The following STARD13 variants were observed in gnomAD, a reference collection of about 807,000 sequenced individuals.
STARD13 encodes the protein StAR related lipid transfer domain containing 13.
Under a neutral mutation model 106.4 loss-of-function variants are expected in STARD13, and 62 were observed. The ratio of observed to expected loss-of-function variants is 0.58; its 90% CI spans 0.48 to 0.72. The LOEUF is 0.72. Ranked by LOEUF, STARD13 falls within the 30% of genes least tolerant of loss-of-function variation. The pLI is 0.00. For missense variants in STARD13, 1,387 were observed against 1,424.0 expected (o/e 0.97, Z 0.42); for synonymous variants, 565 against 553.0 (o/e 1.02, Z -0.31).
the STARD13 span, among the ~76,000 whole-genome samples, chr13:33,508,581 G>T: frequency 6.6e-6 from 1 of 152,198 alleles, no homozygotes; most frequent in African/African-American, 2.4e-5. Context: ...TACAGTATTT[G>T]ATAGCTGGAA....
chr13:33,464,020 A>AATACAT, the STARD13 span, among the ~76,000 whole-genome samples: 7 of 78,220 alleles, frequency 8.9e-5, no homozygotes, highest in South Asian at 3.2e-3. Flanking sequence ...TCAAAAAAAA[A>AATACAT]ATACATATAT....
chr13:33,426,300 T>A, the STARD13 span, among the ~76,000 whole-genome samples: 1 of 152,224 alleles, frequency 6.6e-6, no homozygotes, highest in South Asian at 2.1e-4. Flanking sequence ...AAAGCCCAGC[T>A]CATTTGCAAG....
the STARD13 span, among the ~76,000 whole-genome samples, chr13:33,550,576 T>A: frequency 2.0e-5 from 3 of 152,224 alleles, no homozygotes; most frequent in Non-Finnish European, 2.9e-5. Flanking sequence ...TGCTTCATGA[T>A]CAGGAAATGG....
intron 1 of STARD13, among the ~76,000 whole-genome samples, chr13:33,324,382 T>A (rs1893665395): frequency 6.6e-6 from 1 of 151,976 alleles, no homozygotes; most frequent in African/African-American, 2.4e-5. Flanking sequence ...ATGCCAGGAG[T>A]GAGGGCTGAT....
At chr13:33,306,077 T>C (rs1018199961) in intron 1 of STARD13, among the ~76,000 whole-genome samples, 1 of 152,134 alleles carries the variant, frequency 6.6e-6, no homozygotes, top group African/African-American at 2.4e-5. Flanking sequence ...CTTCAAACTA[T>C]ACTACAAGGC....
chr13:33,162,798 C>G (rs1429070042), intron 3 of STARD13, among the ~76,000 whole-genome samples: 1 of 151,918 alleles, frequency 6.6e-6, no homozygotes, highest in African/African-American at 2.4e-5. Flanking sequence ...CTAGGAGGTT[C>G]CAAACTTTCC....
the STARD13 span, among the ~76,000 whole-genome samples, chr13:33,594,825 A>G: frequency 6.6e-6 from 1 of 152,226 alleles, no homozygotes; most frequent in Non-Finnish European, 1.5e-5. Context: ...CATCCATGTT[A>G]TGGCATATGT....
intron 1 of STARD13, among the ~76,000 whole-genome samples, chr13:33,318,131 C>T (rs929192321): frequency 3.3e-5 from 5 of 152,170 alleles, no homozygotes; most frequent in Non-Finnish European, 5.9e-5. Flanking sequence ...AGATATTTTA[C>T]ACCTTAAATT....
At chr13:33,540,123 G>C in the STARD13 span, among the ~76,000 whole-genome samples, 1 of 152,190 alleles carries the variant, frequency 6.6e-6, no homozygotes, top group Non-Finnish European at 1.5e-5. Flanking sequence ...AGCTTCAGGG[G>C]AAATGTTCCA....
At chr13:33,150,466 G>C (rs923263956) in intron 3 of STARD13, among the ~76,000 whole-genome samples, 1 of 152,210 alleles carries the variant, frequency 6.6e-6, no homozygotes. Context: ...CCACACATTA[G>C]TGAGCAGCCA....
the STARD13 span, among the ~76,000 whole-genome samples, chr13:33,672,637 T>G: frequency 6.6e-6 from 1 of 152,220 alleles, no homozygotes; most frequent in Admixed American, 6.5e-5. Context: ...ATGAATTCAT[T>G]ATACATAATG....
upstream of STARD13, among the ~76,000 whole-genome samples, chr13:33,350,899 G>A (rs1435110990): frequency 6.6e-6 from 1 of 152,028 alleles, no homozygotes; most frequent in African/African-American, 2.4e-5. Flanking sequence ...CCTATTTCTT[G>A]ATACTTTCCT....
chr13:33,532,249 T>C, the STARD13 span, among the ~76,000 whole-genome samples: 4 of 152,360 alleles, frequency 2.6e-5, no homozygotes, highest in East Asian at 3.9e-4. Flanking sequence ...ATCTTAATTA[T>C]GTTACCTTAT....
At chr13:33,524,303 C>T in the STARD13 span, 39 of 1,273,174 alleles carry the variant, frequency 3.1e-5, no homozygotes, top group Non-Finnish European at 3.8e-5. Context: ...TGGATGTTTG[C>T]AGTTTTAGTT....
the STARD13 span, among the ~76,000 whole-genome samples, chr13:33,421,374 C>A: frequency 0.16 from 23,764 of 152,126 alleles, 4,442 homozygotes; most frequent in African/African-American, 0.44. Context: ...TGGACACATC[C>A]ACCCTCCCAA....
At chr13:33,587,725 A>G in the STARD13 span, among the ~76,000 whole-genome samples, 1 of 152,330 alleles carries the variant, frequency 6.6e-6, no homozygotes, top group South Asian at 2.1e-4. Context: ...CTGAATCCAG[A>G]TAATAAATTG....
chr13:33,297,361 T>C (rs1487054335), intron 1 of STARD13, among the ~76,000 whole-genome samples: 1 of 152,240 alleles, frequency 6.6e-6, no homozygotes, highest in African/African-American at 2.4e-5. Flanking sequence ...CACAGAAAGA[T>C]AGAACTTGCT....
At chr13:33,342,930 C>A (rs1029309948) in intron 1 of STARD13, among the ~76,000 whole-genome samples, 1 of 152,236 alleles carries the variant, frequency 6.6e-6, no homozygotes, top group Admixed American at 6.5e-5. Context: ...CAGGACTTGG[C>A]CCTTGGCCCC....
chr13:33,568,322 C>T, the STARD13 span, among the ~76,000 whole-genome samples: 5 of 147,822 alleles, frequency 3.4e-5, 1 homozygote, highest in African/African-American at 9.9e-5. Context: ...GAAATGCTCA[C>T]GATGCTTGGG....
Sources: allele counts gnomAD v4.1 joint callset (sites outside exome capture counted in the v4.1 genomes callset), GRCh38; gene constraint gnomAD v4.1.1; transcripts MANE v1.5; gene names NCBI Gene and HGNC (gene_info 2026-07-23, HGNC 2026-07-21).